The following ZNF773 variants were observed in gnomAD, a reference collection of about 807,000 sequenced individuals.
ZNF773 encodes the protein zinc finger protein 419B.
ZNF773 carries 11 observed loss-of-function variants against 12.8 expected under a neutral mutation model. The observed-to-expected ratio is 0.86, with a 90% CI of 0.54 to 1.42. The LOEUF (loss-of-function observed/expected upper bound fraction) is 1.42. Ranked by LOEUF, ZNF773 falls within the 40% of genes most tolerant of loss-of-function variation. The probability of loss-of-function intolerance (pLI) is 0.00; values close to 1 mark genes in which losing one functional copy is unlikely to be tolerated. For missense variants in ZNF773, 518 were observed against 527.2 expected, an observed-to-expected ratio of 0.98 and a Z score of 0.17; for synonymous variants, 175 against 178.4, an observed-to-expected ratio of 0.98 and a Z score of 0.15.
downstream of ZNF773, among the ~76,000 whole-genome samples, chr19:57,510,163 A>C (rs970847878): frequency 6.6e-6 from 1 of 152,226 alleles, no homozygotes; most frequent in African/African-American, 2.4e-5. Context: ...AAACAAAAAG[A>C]CATTTAGCAA....
intron 3 of ZNF773, 31 bp from the exon 4 acceptor site, chr19:57,506,327 A>G (rs1490573452): frequency 3.8e-6 from 6 of 1,585,984 alleles, no homozygotes; most frequent in Non-Finnish European, 3.4e-6. Flanking sequence ...CAAAGACTAC[A>G]TTTACTTCAT....
chr19:57,508,153 A>C lies in ZNF773; in HGVS notation c.*729A>C, dbSNP rs1238209062. 4.0e-5 allele frequency: 19 copies of C among 474,652 alleles called. No individual in the cohort carries two copies. Among genetic ancestry groups the C allele is most frequent in the South Asian group, 1.4e-4 (1 of 6,930 alleles). 29.4% of individuals were successfully genotyped at this position (474,652 alleles called of 1,614,324 possible). A position where few individuals can be genotyped will look rare whatever the true frequency, so the allele number is the denominator to read the frequency against. ...GAGACTTCGTCTCAAAAAAAAAAAA[A>C]AAAAACAAAAAAAACCCAGAAACTC... On this transcript the variant is annotated 3_prime_UTR_variant, in exon 4 of 4. Transcript: ENST00000282292.
chr19:57,512,913 G>A (rs2089806622), downstream of ZNF773: 2 of 1,222,778 alleles, frequency 1.6e-6, no homozygotes. Flanking sequence ...AAATACAAAG[G>A]GCTGTAGAAG....
At chr19:57,509,817 T>C (rs1487066314), downstream of ZNF773, among the ~76,000 whole-genome samples, 3 of 152,218 alleles carry the variant, frequency 2.0e-5, no homozygotes, top group Non-Finnish European at 2.9e-5. Flanking sequence ...TCCTTTTTCT[T>C]GATGGCATCA....
At chr19:57,516,100 G>T, downstream of ZNF773, 1 of 154,808 alleles carries the variant, frequency 6.5e-6, no homozygotes, top group South Asian at 1.8e-4. Context: ...TGTGACCATG[G>T]AACGGGAGAC....
rs2089738153 is a variant in ZNF773, at chr19:57,506,610, A to G, written c.515A>G (p.Glu172Gly). The change falls in exon 4 of 4, where the codon GAG (glutamate) becomes GGG (glycine). Residue 172 changes from glutamate to glycine, a missense_variant. Glu to Gly is a moderately conservative substitution (Grantham distance 98). Coordinates refer to ENST00000282292, the MANE Select transcript of ZNF773 (RefSeq NM_198542.3). ...VLKHQVTHTG[E>G]KSHRSSKSRE... is the part of the protein sequence containing the mutation. ...AAGCACCAGGTGACTCACACGGGAG[A>G]GAAGTCACATAGGAGCTCCAAAAGT... The G allele has an allele frequency of 6.2e-7, 1 of 1,614,194 alleles. No homozygotes were observed. Among genetic ancestry groups the G allele is most frequent in the South Asian group, 1.1e-5 (1 of 91,084 alleles).
rs1289683510 is a variant in ZNF773, at chr19:57,500,078, C to G, written c.-3C>G. ...GGTCGTTGTCTCACCGCCACAGGCT[C>G]CGATGGCGGCGGCCACGCTGAGGGA... is the stretch of plus-strand genomic sequence containing the variant. On this transcript the variant is annotated 5_prime_UTR_variant, in exon 1 of 4. Transcript: ENST00000282292. 2.5e-6 allele frequency: 4 copies of G among 1,602,200 alleles called. No individual in the cohort carries two copies. The highest frequency in any genetic ancestry group is 3.4e-6 in the Non-Finnish European group (4 of 1,176,054).
At chr19:57,504,335 A>G (rs2089702659) in intron 1 of ZNF773, among the ~76,000 whole-genome samples, 1 of 152,202 alleles carries the variant, frequency 6.6e-6, no homozygotes, top group South Asian at 2.1e-4. Context: ...GGGACCTTGT[A>G]TTGGGTGCTT....
Sources: gnomAD v4.1 joint callset for allele counts (sites outside exome capture counted in the v4.1 genomes callset) on GRCh38, gnomAD v4.1.1 for gene constraint, MANE v1.5 for transcripts, NCBI Gene and HGNC (gene_info 2026-07-23, HGNC 2026-07-21) for gene names.